MAML3: variants seen among roughly 807,000 people sequenced by gnomAD.
MAML3 encodes the protein mastermind-like protein 3.
In MAML3, 27 loss-of-function variants were observed where a neutral mutation model predicts 101.9. The ratio of observed to expected loss-of-function variants is 0.27; its 90% CI spans 0.20 to 0.37. MAML3 has a LOEUF of 0.37. MAML3 is among the 10% of genes least tolerant of loss of function. The pLI is 1.00. For missense variants in MAML3, 1,316 were observed against 1,444.9 expected (o/e 0.91, Z 1.45); for synonymous variants, 501 against 555.9 (o/e 0.90, Z 1.39).
intron 1 of MAML3, among the ~76,000 whole-genome samples, chr4:140,112,693 G>A (rs1728456533): frequency 6.6e-6 from 1 of 152,214 alleles, no homozygotes. Flanking sequence ...GCCAAATGTA[G>A]CAAAGACTCT....
chr4:139,864,686 A>AAC (rs1482331031), intron 2 of MAML3, among the ~76,000 whole-genome samples: 3 of 149,982 alleles, frequency 2.0e-5, no homozygotes, highest in African/African-American at 7.3e-5. Flanking sequence ...AAAAAAAAAA[A>AAC]AAAAAAAAAA....
At chr4:139,916,970 G>A (rs1422272376) in intron 1 of MAML3, among the ~76,000 whole-genome samples, 1 of 152,192 alleles carries the variant, frequency 6.6e-6, no homozygotes, top group South Asian at 2.1e-4. Flanking sequence ...ACAGAACAAG[G>A]GTTCTGTGAC....
chr4:139,861,180 G>C (rs559049257), intron 2 of MAML3, among the ~76,000 whole-genome samples: 2 of 151,872 alleles, frequency 1.3e-5, no homozygotes, highest in African/African-American at 4.8e-5. Context: ...TCTCACTCCT[G>C]CCCAGCTGTC....
intron 1 of MAML3, among the ~76,000 whole-genome samples, chr4:139,940,656 A>T (rs146333486): frequency 6.6e-6 from 1 of 152,336 alleles, no homozygotes; most frequent in Non-Finnish European, 1.5e-5. Flanking sequence ...CCCGATACTC[A>T]TGTTCAAAAC....
Position 139,719,382 on chromosome 4 carries a change from T to TG in MAML3, c.3357dup (p.Lys1120GlnfsTer13). 6.2e-7 allele frequency: 1 copy of TG among 1,612,852 alleles called. No homozygotes were observed. The highest frequency in any genetic ancestry group is 8.5e-7 in the Non-Finnish European group (1 of 1,179,164). On this transcript the variant is annotated frameshift_variant, in exon 5 of 5. Transcript: ENST00000509479. LOFTEE classifies it high-confidence loss of function. ...ATCCACTCGTCCCCTGGCCCGCCTT[T>TG]GATGATGGAGTCCACAAGGTCTGCA...
Position 139,720,290 on chromosome 4 carries a change from T to G in MAML3, c.2450A>C (p.Gln817Pro). The change falls in exon 5 of 5, where the codon CAA becomes CCA. Residue 817 changes from glutamine (Q) to proline (P), a missense_variant. Coordinates refer to ENST00000509479, the MANE Select transcript of MAML3 (RefSeq NM_018717.5). ...CGTTCGCATGCTCTGGAGGGCTGCT[T>G]GGCTTCTTACGGCTGCTATATCCTG... ...SPQDIAAVRSQAALQSMRTSR... is the reference protein window; with the variant it reads ...SPQDIAAVRSPAALQSMRTSR... The G allele has an allele frequency of 6.4e-7, 1 of 1,560,456 alleles. No individual in the cohort carries two copies.
At chr4:140,012,628 A>G (rs1447543268) in intron 1 of MAML3, among the ~76,000 whole-genome samples, 1 of 152,230 alleles carries the variant, frequency 6.6e-6, no homozygotes, top group Non-Finnish European at 1.5e-5. Flanking sequence ...TTTGTTTAAC[A>G]GCCTTTCTAT....
intron 1 of MAML3, among the ~76,000 whole-genome samples, chr4:140,068,193 G>C (rs988216414): frequency 3.3e-5 from 5 of 152,100 alleles, no homozygotes; most frequent in African/African-American, 1.2e-4. Flanking sequence ...CCTCTCAATG[G>C]GAAGAGTGTC....
chr4:140,007,019 G>C lies in MAML3; in HGVS notation c.469-116052C>G, dbSNP rs184845561. On this transcript the variant is annotated intron_variant, in intron 1 of 4. Transcript: ENST00000509479. ...TAAGCTTTGGTGGTAAAATAGGATA[G>C]AGGTAGGTGATAGTTTTGAAAAGGA... is the stretch of plus-strand genomic sequence containing the variant. Among the ~76,000 whole-genome samples, 4 of 152,280 alleles carry C rather than the reference G, an allele frequency of 2.6e-5. No homozygotes were observed. The East Asian group carries it at 7.7e-4, about 29-fold the overall frequency.
chr4:140,153,257 C>T lies in MAML3; in HGVS notation c.71G>A (p.Ser24Asn). 3 of 1,607,466 alleles carry T rather than the reference C, an allele frequency of 1.9e-6. No individual in the cohort carries two copies. The highest frequency in any genetic ancestry group is 2.5e-6 in the Non-Finnish European group (3 of 1,177,218). ...SSICINSSLNSSLGGAGIGVN... is the reference protein window; with the variant it reads ...SSICINSSLNNSLGGAGIGVN... The stretch of plus-strand genomic sequence containing the variant: ...ACCGATCCCGGCCCCGCCGAGGCTG[C>T]TGTTCAGGCTACTGTTGATGCAAAT... Residue 24 changes from serine to asparagine, a missense_variant, in exon 1 of 5, where the codon AGC (serine) becomes AAC (asparagine). By Grantham distance (46) the Ser-to-Asn change is conservative. Coordinates refer to ENST00000509479, the MANE Select transcript of MAML3 (RefSeq NM_018717.5).
intron 1 of MAML3, among the ~76,000 whole-genome samples, chr4:140,137,052 T>G (rs975291588): frequency 1.2e-4 from 19 of 152,362 alleles, no homozygotes; most frequent in East Asian, 3.9e-4. Context: ...GCAGTGGCGC[T>G]ATCTCGGCTC....
At chr4:140,111,705 T>C (rs1410150502) in intron 1 of MAML3, among the ~76,000 whole-genome samples, 1 of 152,142 alleles carries the variant, frequency 6.6e-6, no homozygotes, top group Admixed American at 6.5e-5. Context: ...TGTGGGAGAA[T>C]ACCCCACTTG....
chr4:140,091,860 T>C (rs1017388634), intron 1 of MAML3, among the ~76,000 whole-genome samples: 5 of 151,836 alleles, frequency 3.3e-5, no homozygotes, highest in African/African-American at 4.8e-5. Flanking sequence ...ACTGCAACCT[T>C]CTTCTCTCCA....
chr4:140,011,153 TATTTATATATATG>T (rs1305274898), intron 1 of MAML3, among the ~76,000 whole-genome samples: 75 of 65,578 alleles, frequency 1.1e-3, no homozygotes, highest in South Asian at 2.8e-3. Flanking sequence ...ATGTCATATA[TATTTATATATATG>T]ACATATATGT....
At chr4:139,873,777 T>A (rs1002172667) in intron 2 of MAML3, among the ~76,000 whole-genome samples, 2 of 152,224 alleles carry the variant, frequency 1.3e-5, no homozygotes, top group Non-Finnish European at 2.9e-5. Flanking sequence ...TTCAGATGAC[T>A]GCAGCCCACT....
intron 1 of MAML3, among the ~76,000 whole-genome samples, chr4:140,047,185 G>T (rs2110917067): frequency 6.6e-6 from 1 of 152,274 alleles, no homozygotes; most frequent in Non-Finnish European, 1.5e-5. Context: ...GACACAGGGG[G>T]ACAAAGCAGA....
intron 1 of MAML3, among the ~76,000 whole-genome samples, chr4:140,085,535 T>C (rs1727937842): frequency 1.3e-5 from 2 of 152,328 alleles, no homozygotes; most frequent in South Asian, 2.1e-4. Context: ...ATACCTGCAC[T>C]GGTTCCTCCC....
chr4:139,911,036 C>T (rs1203570601), intron 1 of MAML3, among the ~76,000 whole-genome samples: 1 of 152,192 alleles, frequency 6.6e-6, no homozygotes, highest in Admixed American at 6.5e-5. Flanking sequence ...GTTCATGAAA[C>T]AACTCCTCAT....
Position 139,826,464 on chromosome 4 carries a change from A to G in MAML3, c.2079+62893T>C, listed in dbSNP as rs372544901. ...ATGAACACGAATCGCATAACTAGGG[A>G]CCTTGGGAAAGACACCTGAACAAAA... On this transcript the variant is annotated intron_variant, in intron 2 of 4. Coordinates refer to ENST00000509479, the MANE Select transcript of MAML3 (RefSeq NM_018717.5). Among the ~76,000 whole-genome samples the G allele has an allele frequency of 2.6e-4, 40 of 152,266 alleles. No homozygotes were observed. The East Asian group carries it at 6.6e-3, about 25-fold the overall frequency.
Sources: allele counts gnomAD v4.1 joint callset (sites outside exome capture counted in the v4.1 genomes callset), GRCh38; gene constraint gnomAD v4.1.1; transcripts MANE v1.5; gene names NCBI Gene and HGNC (gene_info 2026-07-23, HGNC 2026-07-21).